The following PDGFRL variants were observed in gnomAD, a reference collection of about 807,000 sequenced individuals.
PDGFRL encodes the protein platelet derived growth factor receptor like.
In PDGFRL, 46 loss-of-function variants were observed where a neutral mutation model predicts 37.2. The ratio of observed to expected loss-of-function variants is 1.24; its 90% CI spans 0.98 to 1.58. PDGFRL has a LOEUF of 1.58. Among genes scored for constraint, PDGFRL ranks in the 40% most tolerant of loss-of-function variants. PDGFRL has a pLI of 0.00. For missense variants in PDGFRL, 692 were observed against 467.6 expected (o/e 1.48, Z -4.43); for synonymous variants, 251 against 184.3 (o/e 1.36, Z -2.93).
At chr8:17,606,336 TTTTA>T (rs1273120001) in intron 2 of PDGFRL, among the ~76,000 whole-genome samples, 1 of 152,146 alleles carries the variant, frequency 6.6e-6, no homozygotes, top group Non-Finnish European at 1.5e-5. Flanking sequence ...CCAAAGCTCG[TTTTA>T]TTTTATTTTC....
intron 5 of PDGFRL, among the ~76,000 whole-genome samples, chr8:17,636,474 C>G (rs564520998): frequency 6.6e-6 from 1 of 151,578 alleles, no homozygotes; most frequent in East Asian, 1.9e-4. Flanking sequence ...GGTCTATGTG[C>G]TATTTTTATA....
chr8:17,630,629 GCTCCCCTCCC>G (rs890729567), intron 4 of PDGFRL, among the ~76,000 whole-genome samples: 19 of 152,156 alleles, frequency 1.2e-4, no homozygotes, highest in South Asian at 8.3e-4. Flanking sequence ...AGTTCCCTCC[GCTCCCCTCCC>G]CTCCCCTCCC....
intron 5 of PDGFRL, among the ~76,000 whole-genome samples, chr8:17,641,263 G>A (rs969920756): frequency 3.9e-5 from 6 of 152,202 alleles, no homozygotes; most frequent in Admixed American, 1.3e-4. Context: ...TTTCTGTGCT[G>A]TGTCTGCACT....
At chr8:17,631,406 C>T (rs1804858610) in intron 4 of PDGFRL, among the ~76,000 whole-genome samples, 1 of 152,120 alleles carries the variant, frequency 6.6e-6, no homozygotes. Context: ...GTGAGCTGCT[C>T]TCTGAAGTTA....
At chr8:17,616,454 A>T (rs1049109932) in intron 2 of PDGFRL, among the ~76,000 whole-genome samples, 1 of 151,458 alleles carries the variant, frequency 6.6e-6, no homozygotes, top group East Asian at 1.9e-4. Flanking sequence ...CGGCCTCCCA[A>T]AATGCTGGGA....
intron 4 of PDGFRL, among the ~76,000 whole-genome samples, chr8:17,630,369 C>T (rs933126617): frequency 6.6e-6 from 1 of 152,066 alleles, no homozygotes; most frequent in Admixed American, 6.5e-5. Flanking sequence ...ATACTTTTTT[C>T]CCTGGTAACT....
At chr8:17,602,631 G>C (rs1585311269) in intron 2 of PDGFRL, among the ~76,000 whole-genome samples, 1 of 152,130 alleles carries the variant, frequency 6.6e-6, no homozygotes, top group Admixed American at 6.5e-5. Context: ...TTGATTTAGG[G>C]TAGCTCTTTG....
At chr8:17,578,924 G>A (rs955063659) in intron 1 of PDGFRL, among the ~76,000 whole-genome samples, 20 of 152,208 alleles carry the variant, frequency 1.3e-4, no homozygotes, top group Non-Finnish European at 1.5e-5. Context: ...ATCTGGCCGG[G>A]CACAGTGGCT....
At chr8:17,638,144 A>G (rs556016710) in intron 5 of PDGFRL, among the ~76,000 whole-genome samples, 2 of 151,990 alleles carry the variant, frequency 1.3e-5, no homozygotes, top group South Asian at 2.1e-4. Context: ...TAGATTGTCT[A>G]TTTGTGCTCT....
At chr8:17,618,865 A>T (rs1212436271) in intron 2 of PDGFRL, among the ~76,000 whole-genome samples, 2 of 152,008 alleles carry the variant, frequency 1.3e-5, no homozygotes, top group African/African-American at 4.8e-5. Flanking sequence ...GGTAGAGAAC[A>T]AGGAAGTCAA....
chr8:17,597,062 C>T (rs115285038), intron 2 of PDGFRL, among the ~76,000 whole-genome samples: 1,601 of 152,296 alleles, frequency 0.011, 21 homozygotes, highest in African/African-American at 0.036. Context: ...GCTCTGTCGC[C>T]TAGGTTGGCG....
chr8:17,628,417 A>C (rs1482264510), intron 3 of PDGFRL, 70 bp from the exon 4 acceptor site: 54 of 1,282,162 alleles, frequency 4.2e-5, no homozygotes, highest in Non-Finnish European at 5.8e-5. Context: ...GTATGCTGCC[A>C]AAATCCTTAA....
chr8:17,611,786 G>A (rs7815855), intron 2 of PDGFRL, among the ~76,000 whole-genome samples: 3,396 of 152,270 alleles, frequency 0.022, 131 homozygotes, highest in African/African-American at 0.077. Context: ...TATCTGATAC[G>A]TGATGAAAGG....
At chr8:17,604,804 TC>T (rs1343597711) in intron 2 of PDGFRL, among the ~76,000 whole-genome samples, 1 of 152,192 alleles carries the variant, frequency 6.6e-6, no homozygotes, top group East Asian at 1.9e-4. Context: ...TTAAAGCCTT[TC>T]TAAATATGTA....
intron 2 of PDGFRL, among the ~76,000 whole-genome samples, chr8:17,618,148 T>C (rs1367295837): frequency 6.6e-6 from 1 of 152,160 alleles, no homozygotes; most frequent in Admixed American, 6.6e-5. Flanking sequence ...AGCCTCGACC[T>C]CCTGGACTCA....
chr8:17,604,759 T>G (rs1234342526), intron 2 of PDGFRL, among the ~76,000 whole-genome samples: 1 of 152,134 alleles, frequency 6.6e-6, no homozygotes, highest in East Asian at 1.9e-4. Flanking sequence ...AAAAAAAATT[T>G]AGAGCAAAAT....
At chr8:17,590,173 T>G (rs905295543) in intron 2 of PDGFRL, among the ~76,000 whole-genome samples, 3 of 138,186 alleles carry the variant, frequency 2.2e-5, no homozygotes, top group African/African-American at 7.9e-5. Flanking sequence ...GGAGCTTGCA[T>G]TGAGCCGAGA....
At chr8:17,594,522 G>C (rs895729052) in intron 2 of PDGFRL, among the ~76,000 whole-genome samples, 6 of 151,474 alleles carry the variant, frequency 4.0e-5, no homozygotes, top group African/African-American at 1.5e-4. Context: ...GATTCCAGGT[G>C]TAAGCCACCA....
chr8:17,620,873 T>C (rs147034132), intron 2 of PDGFRL, among the ~76,000 whole-genome samples, 178 bp from the exon 3 acceptor site: 2 of 104,066 alleles, frequency 1.9e-5, no homozygotes, highest in African/African-American at 7.2e-5. Context: ...TTTTTTTTTT[T>C]TTATTATACT....
Sources: allele counts gnomAD v4.1 joint callset (sites outside exome capture counted in the v4.1 genomes callset), GRCh38; gene constraint gnomAD v4.1.1; transcripts MANE v1.5; gene names NCBI Gene and HGNC (gene_info 2026-07-23, HGNC 2026-07-21).